The following AKAP6 variants were observed in gnomAD, a reference collection of about 807,000 sequenced individuals.
AKAP6 encodes the protein A-kinase anchoring protein 6.
In AKAP6, 58 loss-of-function variants were observed where a neutral mutation model predicts 188.5. That is an observed-to-expected ratio of 0.31 (90% CI 0.25 to 0.38). AKAP6 has a LOEUF of 0.38. Ranked by LOEUF, AKAP6 falls within the 10% of genes least tolerant of loss-of-function variation. The pLI is 1.00. For missense variants in AKAP6, 2,710 were observed against 2,740.0 expected, an observed-to-expected ratio of 0.99 and a Z score of 0.24; for synonymous variants, 989 against 998.6, an observed-to-expected ratio of 0.99 and a Z score of 0.18.
intron 7 of AKAP6, among the ~76,000 whole-genome samples, chr14:32,648,635 A>G (rs919605350): frequency 4.6e-5 from 7 of 152,200 alleles, no homozygotes; most frequent in Non-Finnish European, 5.9e-5. Flanking sequence ...TGCTGAAGAC[A>G]GCTTTTATGA....
chr14:32,396,700 C>T (rs1033218005), intron 1 of AKAP6, among the ~76,000 whole-genome samples: 1 of 152,114 alleles, frequency 6.6e-6, no homozygotes, highest in African/African-American at 2.4e-5. Flanking sequence ...AGATGTGAGA[C>T]TGAGCTGCCC....
At chr14:32,673,195 C>G (rs910840497) in intron 7 of AKAP6, among the ~76,000 whole-genome samples, 1 of 152,188 alleles carries the variant, frequency 6.6e-6, no homozygotes, top group African/African-American at 2.4e-5. Context: ...GCTCCAATGC[C>G]ACTTCTGTCA....
At chr14:32,698,909 C>T (rs192813220) in intron 9 of AKAP6, among the ~76,000 whole-genome samples, 113 of 152,212 alleles carry the variant, frequency 7.4e-4, no homozygotes, top group Admixed American at 1.9e-3. Context: ...AACTGTAGAG[C>T]AGGACCGAAT....
In AKAP6 at chr14:32,510,093, AG is replaced by A. The variant is rs1295016076; in HGVS notation, c.325-25456del. On this transcript the variant is annotated intron_variant, in intron 2 of 13. Coordinates refer to ENST00000280979, the MANE Select transcript of AKAP6 (RefSeq NM_004274.5). ...ATTACTTTGTGGGCGGAGCGCTTAA[AG>A]GGGGATCTAGCACTGGCTAGCACCA... is the stretch of plus-strand genomic sequence containing the variant. 2.0e-5 allele frequency among the ~76,000 whole-genome samples: 3 copies of A among 152,134 alleles called. No homozygotes were observed. In the East Asian group the frequency reaches 5.8e-4, roughly 29 times the overall value.
intron 12 of AKAP6, among the ~76,000 whole-genome samples, chr14:32,805,753 C>A (rs2140101609): frequency 6.6e-6 from 1 of 152,254 alleles, no homozygotes; most frequent in South Asian, 2.1e-4. Flanking sequence ...TATTTTAGGT[C>A]TGTTGTTTCC....
chr14:32,707,537 A>T (rs1890859506), intron 9 of AKAP6, among the ~76,000 whole-genome samples: 1 of 152,076 alleles, frequency 6.6e-6, no homozygotes. Context: ...AGAATGATTG[A>T]TTATATTTTT....
chr14:32,773,305 G>A (rs1244858125), intron 11 of AKAP6, among the ~76,000 whole-genome samples: 1 of 152,108 alleles, frequency 6.6e-6, no homozygotes, highest in Admixed American at 6.6e-5. Flanking sequence ...CTTTTCGGAG[G>A]ATTTTTCTAT....
intron 2 of AKAP6, among the ~76,000 whole-genome samples, chr14:32,470,110 A>G (rs1199493461): frequency 6.6e-6 from 1 of 152,046 alleles, no homozygotes; most frequent in African/African-American, 2.4e-5. Flanking sequence ...TCCACCCTCA[A>G]CAGAATCTTC....
chr14:32,453,059 C>G (rs1890991367), intron 2 of AKAP6, among the ~76,000 whole-genome samples: 1 of 152,180 alleles, frequency 6.6e-6, no homozygotes, highest in South Asian at 2.1e-4. Context: ...GCTTTAAAGA[C>G]TTCCTCATGG....
At chr14:32,544,682 A>G (rs898890123) in intron 3 of AKAP6, among the ~76,000 whole-genome samples, 9 of 152,184 alleles carry the variant, frequency 5.9e-5, no homozygotes, top group African/African-American at 2.2e-4. Flanking sequence ...ACTATTATGT[A>G]TTTGCAAATT....
intron 8 of AKAP6, among the ~76,000 whole-genome samples, chr14:32,678,789 G>A (rs1431912231): frequency 6.6e-6 from 1 of 151,944 alleles, no homozygotes; most frequent in African/African-American, 2.4e-5. Context: ...TCTTTTTTAG[G>A]TTTCACAATT....
intron 9 of AKAP6, among the ~76,000 whole-genome samples, chr14:32,716,949 A>G (rs778509292): frequency 1.3e-5 from 2 of 152,154 alleles, no homozygotes; most frequent in Non-Finnish European, 2.9e-5. Flanking sequence ...ATTTCTTACA[A>G]GTATGATCTA....
chr14:32,460,392 C>A (rs778638353), intron 2 of AKAP6, among the ~76,000 whole-genome samples: 4 of 152,176 alleles, frequency 2.6e-5, no homozygotes, highest in Non-Finnish European at 5.9e-5. Context: ...CCCATTTGAT[C>A]TCACTGGGGC....
At chr14:32,451,365 A>G (rs1181081234) in intron 2 of AKAP6, among the ~76,000 whole-genome samples, 2 of 152,054 alleles carry the variant, frequency 1.3e-5, no homozygotes, top group African/African-American at 4.8e-5. Flanking sequence ...GCTTCCTTCC[A>G]TTTATTTTTC....
chr14:32,648,400 T>C (rs1378884596), intron 7 of AKAP6, among the ~76,000 whole-genome samples: 1 of 152,126 alleles, frequency 6.6e-6, no homozygotes, highest in East Asian at 1.9e-4. Context: ...ATTTTCAGAA[T>C]TGCCTTTTTG....
chr14:32,752,160 T>C (rs1428928514), intron 11 of AKAP6, among the ~76,000 whole-genome samples: 1 of 152,248 alleles, frequency 6.6e-6, no homozygotes, highest in Non-Finnish European at 1.5e-5. Flanking sequence ...GTAGATTTTC[T>C]TCAATTTTAT....
At chr14:32,404,454 GT>G (rs1250867626) in intron 1 of AKAP6, among the ~76,000 whole-genome samples, 2 of 151,550 alleles carry the variant, frequency 1.3e-5, no homozygotes, top group African/African-American at 4.8e-5. Context: ...AAGGGAGGGT[GT>G]TTTTTAGAAG....
chr14:32,812,938 C>T (rs2034274561), intron 12 of AKAP6, among the ~76,000 whole-genome samples: 1 of 152,156 alleles, frequency 6.6e-6, no homozygotes, highest in Non-Finnish European at 1.5e-5. Flanking sequence ...TTACACCAAG[C>T]TACTGTCTGC....
intron 5 of AKAP6, among the ~76,000 whole-genome samples, chr14:32,596,861 T>G (rs1885726024): frequency 6.6e-6 from 1 of 152,192 alleles, no homozygotes; most frequent in African/African-American, 2.4e-5. Context: ...GAGAGCTTAT[T>G]ATAGAATCCT....
Sources: gnomAD v4.1 joint callset for allele counts (sites outside exome capture counted in the v4.1 genomes callset) on GRCh38, gnomAD v4.1.1 for gene constraint, MANE v1.5 for transcripts, NCBI Gene and HGNC (gene_info 2026-07-23, HGNC 2026-07-21) for gene names.